NRXN3: variants seen among roughly 807,000 people sequenced by gnomAD.
NRXN3 encodes neurexin 3, also known as neurexin III.
A neutral mutation model predicts 137.6 loss-of-function variants in NRXN3; 32 were observed. The ratio of observed to expected loss-of-function variants is 0.23; its 90% CI spans 0.18 to 0.31. The LOEUF is 0.31. Ranked by LOEUF, NRXN3 falls within the 10% of genes least tolerant of loss-of-function variation. The pLI is 1.00. For synonymous variants in NRXN3, 798 were observed against 784.5 expected, an observed-to-expected ratio of 1.02 and a Z score of -0.29; for missense variants, 1,574 against 2,062.5, an observed-to-expected ratio of 0.76 and a Z score of 4.59.
chr14:79,475,015 T>C (rs188912001), intron 16 of NRXN3, among the ~76,000 whole-genome samples: 2 of 152,160 alleles, frequency 1.3e-5, no homozygotes, highest in African/African-American at 4.8e-5. Context: ...ACAAAGAGCT[T>C]GGTCGTATAC....
chr14:79,278,817 G>C (rs935565501), intron 15 of NRXN3, among the ~76,000 whole-genome samples: 1 of 152,150 alleles, frequency 6.6e-6, no homozygotes, highest in African/African-American at 2.4e-5. Flanking sequence ...CATTCGCCCT[G>C]CGGGAGGGGC....
At chr14:79,382,680 G>A (rs1356915209) in intron 15 of NRXN3, among the ~76,000 whole-genome samples, 1 of 152,090 alleles carries the variant, frequency 6.6e-6, no homozygotes, top group Non-Finnish European at 1.5e-5. Flanking sequence ...GATACAAAGA[G>A]ACTAGGGAGC....
intron 15 of NRXN3, among the ~76,000 whole-genome samples, chr14:79,437,998 C>T (rs1376211901): frequency 1.3e-5 from 2 of 151,878 alleles, no homozygotes; most frequent in Admixed American, 1.3e-4. Flanking sequence ...ATTTTTGTAC[C>T]CCCAGGCCTC....
At chr14:78,514,591 C>G (rs1349992070) in intron 4 of NRXN3, among the ~76,000 whole-genome samples, 1 of 152,110 alleles carries the variant, frequency 6.6e-6, no homozygotes, top group East Asian at 1.9e-4. Context: ...TAAGAACATA[C>G]TATATTTCAG....
chr14:79,080,460 G>C (rs150824564), intron 15 of NRXN3, among the ~76,000 whole-genome samples: 188 of 152,194 alleles, frequency 1.2e-3, no homozygotes, highest in African/African-American at 3.8e-3. Context: ...TAAAATTTGT[G>C]GGAGATCCCC....
chr14:78,201,376 C>G (rs562029666), intron 1 of NRXN3, among the ~76,000 whole-genome samples: 1 of 152,204 alleles, frequency 6.6e-6, no homozygotes, highest in Non-Finnish European at 1.5e-5. Context: ...TCCATCTGGC[C>G]GCTCTGGGGC....
At chr14:78,311,023 GA>G in intron 4 of NRXN3, among the ~76,000 whole-genome samples, 1 of 152,106 alleles carries the variant, frequency 6.6e-6, no homozygotes, top group Middle Eastern at 3.2e-3. Context: ...TGGGAACTTT[GA>G]ACATATTATT....
At chr14:78,824,972 A>C (rs150589) in intron 10 of NRXN3, among the ~76,000 whole-genome samples, 137,951 of 151,988 alleles carry the variant, frequency 0.91, 63,427 homozygotes, top group Non-Finnish European at 0.99. Flanking sequence ...AAAAATATAA[A>C]AGTAAAAATC....
chr14:78,259,722 C>T (rs1361951292), intron 2 of NRXN3, among the ~76,000 whole-genome samples: 1 of 152,160 alleles, frequency 6.6e-6, no homozygotes, highest in East Asian at 1.9e-4. Flanking sequence ...GCTGCCCTTC[C>T]TTCTGCCTTC....
At chr14:79,018,934 A>G (rs1370523665) in intron 15 of NRXN3, among the ~76,000 whole-genome samples, 2 of 152,102 alleles carry the variant, frequency 1.3e-5, no homozygotes, top group Admixed American at 6.6e-5. Context: ...CCTTTTCTCT[A>G]CTTATTATCC....
chr14:79,131,856 C>G (rs1244488353), intron 15 of NRXN3, among the ~76,000 whole-genome samples: 1 of 152,178 alleles, frequency 6.6e-6, no homozygotes, highest in Non-Finnish European at 1.5e-5. Context: ...ACCCTCTGAG[C>G]CAGGTGTGGG....
intron 15 of NRXN3, among the ~76,000 whole-genome samples, chr14:79,084,375 A>G (rs1266413573): frequency 2.6e-5 from 4 of 152,220 alleles, no homozygotes; most frequent in Non-Finnish European, 5.9e-5. Flanking sequence ...TAAAATTTCA[A>G]AAATTCCAGT....
intron 16 of NRXN3, among the ~76,000 whole-genome samples, chr14:79,649,769 C>G (rs2098467549): frequency 6.6e-6 from 1 of 152,192 alleles, no homozygotes; most frequent in Admixed American, 6.5e-5. Context: ...TTCTAAACTT[C>G]TCCCATTCCT....
At chr14:79,157,230 G>A (rs1169366994) in intron 15 of NRXN3, among the ~76,000 whole-genome samples, 1 of 151,736 alleles carries the variant, frequency 6.6e-6, no homozygotes, top group Admixed American at 6.6e-5. Flanking sequence ...ATATAAAAAT[G>A]ATTGCATATT....
chr14:79,317,438 G>A (rs1437086366), intron 15 of NRXN3, among the ~76,000 whole-genome samples: 2 of 152,048 alleles, frequency 1.3e-5, no homozygotes, highest in Non-Finnish European at 2.9e-5. Flanking sequence ...CTTCACATAA[G>A]GATGCAAGTC....
At chr14:79,130,758 A>G (rs2057346026) in intron 15 of NRXN3, among the ~76,000 whole-genome samples, 1 of 152,108 alleles carries the variant, frequency 6.6e-6, no homozygotes, top group Non-Finnish European at 1.5e-5. Context: ...TTCCTGGATA[A>G]TATCCTGCAG....
intron 15 of NRXN3, among the ~76,000 whole-genome samples, chr14:79,377,072 C>G (rs1453847903): frequency 1.3e-5 from 2 of 152,194 alleles, no homozygotes; most frequent in Non-Finnish European, 2.9e-5. Context: ...GTGCCCAACA[C>G]AATGATAAAC....
intron 4 of NRXN3, among the ~76,000 whole-genome samples, chr14:78,321,492 C>T (rs1049304253): frequency 2.6e-5 from 4 of 152,068 alleles, no homozygotes; most frequent in Non-Finnish European, 4.4e-5. Context: ...TCTTTCCTTT[C>T]GTCTTCTCTG....
chr14:78,768,844 C>T (rs2098717510), intron 8 of NRXN3, among the ~76,000 whole-genome samples: 1 of 152,208 alleles, frequency 6.6e-6, no homozygotes, highest in African/African-American at 2.4e-5. Context: ...GGAACTTCCA[C>T]ACCATTCTCC....
Sources: allele counts gnomAD v4.1 joint callset (sites outside exome capture counted in the v4.1 genomes callset), GRCh38; gene constraint gnomAD v4.1.1; transcripts MANE v1.5; gene names NCBI Gene and HGNC (gene_info 2026-07-23, HGNC 2026-07-21).